The following NBAS variants were observed in gnomAD, a reference collection of about 807,000 sequenced individuals.
NBAS encodes the protein NAG/BC035112 fusion.
A neutral mutation model predicts 302.5 loss-of-function variants in NBAS; 219 were observed. The ratio of observed to expected loss-of-function variants is 0.72; its 90% CI spans 0.65 to 0.81. NBAS has a LOEUF of 0.81. Among genes scored for constraint, NBAS ranks in the 30% least tolerant of loss-of-function variants. The pLI, the probability that NBAS is intolerant of heterozygous loss-of-function variation, is 0.00. For missense variants in NBAS, 2,932 were observed against 2,841.6 expected (o/e 1.03, Z -0.72); for synonymous variants, 1,118 against 1,021.6 (o/e 1.09, Z -1.80).
chr2:15,554,289 AC>A, intron 3 of NBAS, 151 bp from the exon 4 acceptor site: 1 of 711,436 alleles, frequency 1.4e-6, no homozygotes, highest in Non-Finnish European at 2.5e-6. Context: ...ACCCAAAGTT[AC>A]TATTTGGTAG....
chr2:15,316,900 T>C (rs7588493), intron 38 of NBAS, among the ~76,000 whole-genome samples: 6,794 of 152,282 alleles, frequency 0.045, 243 homozygotes, highest in African/African-American at 0.098. Context: ...GTTTGAGCTC[T>C]GAGAAAGGAC....
chr2:15,001,290 T>C, the NBAS span, among the ~76,000 whole-genome samples: 2 of 152,296 alleles, frequency 1.3e-5, no homozygotes, highest in South Asian at 4.1e-4. Context: ...ATGTATGTTA[T>C]ATACATGTAT....
intron 40 of NBAS, 72 bp from the exon 41 acceptor site, chr2:15,292,838 A>G: frequency 7.1e-7 from 1 of 1,401,732 alleles, no homozygotes; most frequent in Non-Finnish European, 1.0e-6. Flanking sequence ...AACAAATGGA[A>G]GAAGACCATG....
At chr2:15,362,284 C>T (rs1673970136) in intron 32 of NBAS, among the ~76,000 whole-genome samples, 1 of 150,050 alleles carries the variant, frequency 6.7e-6, no homozygotes, top group African/African-American at 2.5e-5. Flanking sequence ...TCAATACCAA[C>T]CTGGAAAACA....
chr2:14,844,219 C>G, the NBAS span, among the ~76,000 whole-genome samples: 4 of 151,768 alleles, frequency 2.6e-5, no homozygotes, highest in Admixed American at 2.6e-4. Context: ...TCAGCCACAG[C>G]AGGAAAGGAC....
chr2:15,054,216 C>G, the NBAS span, among the ~76,000 whole-genome samples: 1 of 152,224 alleles, frequency 6.6e-6, no homozygotes, highest in African/African-American at 2.4e-5. Flanking sequence ...GGTATTACTA[C>G]CCATTTCATA....
intron 30 of NBAS, among the ~76,000 whole-genome samples, 174 bp from the exon 31 acceptor site, chr2:15,374,894 C>A (rs1160392383): frequency 6.6e-6 from 1 of 152,166 alleles, no homozygotes; most frequent in African/African-American, 2.4e-5. Flanking sequence ...GGTAGGCAAA[C>A]ATCATCATCT....
At chr2:15,261,802 C>T (rs1346045929) in intron 44 of NBAS, among the ~76,000 whole-genome samples, 1 of 152,180 alleles carries the variant, frequency 6.6e-6, no homozygotes, top group African/African-American at 2.4e-5. Context: ...CAGGCCTTAA[C>T]AAAATTTGAA....
At chr2:15,369,457 T>A (rs1306517021) in intron 31 of NBAS, among the ~76,000 whole-genome samples, 1 of 152,194 alleles carries the variant, frequency 6.6e-6, no homozygotes, top group Non-Finnish European at 1.5e-5. Flanking sequence ...TTAAATAAAT[T>A]TGGAGAGCAG....
chr2:14,939,399 G>T, the NBAS span, among the ~76,000 whole-genome samples: 1 of 152,196 alleles, frequency 6.6e-6, no homozygotes, highest in Non-Finnish European at 1.5e-5. Flanking sequence ...TTTAATTGTT[G>T]CCTACTTGCA....
chr2:15,522,934 A>C (rs914678943), intron 9 of NBAS, among the ~76,000 whole-genome samples: 3 of 152,232 alleles, frequency 2.0e-5, no homozygotes, highest in Non-Finnish European at 4.4e-5. Flanking sequence ...AAATCATAAG[A>C]CTAAATACAT....
the NBAS span, among the ~76,000 whole-genome samples, chr2:14,786,279 G>T: frequency 1.5e-4 from 23 of 151,956 alleles, no homozygotes; most frequent in Non-Finnish European, 2.5e-4. Flanking sequence ...CCAGCTCCTG[G>T]ATTCATTGAT....
chr2:15,302,843 G>A (rs1038429209), intron 40 of NBAS, among the ~76,000 whole-genome samples: 1 of 152,188 alleles, frequency 6.6e-6, no homozygotes, highest in Non-Finnish European at 1.5e-5. Flanking sequence ...GAATAAAGCA[G>A]GCAGAAGAAG....
chr2:15,134,685 T>A, the NBAS span, among the ~76,000 whole-genome samples: 2 of 152,186 alleles, frequency 1.3e-5, no homozygotes, highest in Admixed American at 1.3e-4. Flanking sequence ...AATTGAGGGG[T>A]GTTCACTCTT....
At chr2:15,161,097 G>C in the NBAS span, among the ~76,000 whole-genome samples, 1 of 152,168 alleles carries the variant, frequency 6.6e-6, no homozygotes, top group Non-Finnish European at 1.5e-5. Context: ...TTGAGCAAAA[G>C]TTGGGCTTTG....
At chr2:15,202,927 T>C (rs920788337) in intron 48 of NBAS, among the ~76,000 whole-genome samples, 3 of 152,218 alleles carry the variant, frequency 2.0e-5, no homozygotes, top group Non-Finnish European at 4.4e-5. Flanking sequence ...GAATAATTCA[T>C]ACAGCTGAAA....
At chr2:15,139,046 T>C in the NBAS span, among the ~76,000 whole-genome samples, 1 of 152,170 alleles carries the variant, frequency 6.6e-6, no homozygotes, top group Non-Finnish European at 1.5e-5. Flanking sequence ...GTAGGAAGGG[T>C]TCTGCTCCAG....
At chr2:15,359,359 C>G (rs1209397702) in intron 32 of NBAS, among the ~76,000 whole-genome samples, 2 of 152,108 alleles carry the variant, frequency 1.3e-5, no homozygotes, top group Non-Finnish European at 2.9e-5. Flanking sequence ...TTTGCCAGGT[C>G]TTTTAAAAGT....
At chr2:15,372,817 A>G (rs1463113393) in intron 31 of NBAS, among the ~76,000 whole-genome samples, 1 of 152,222 alleles carries the variant, frequency 6.6e-6, no homozygotes, top group Non-Finnish European at 1.5e-5. Context: ...ACATATTACC[A>G]GCAAAAAATC....
Sources: allele counts gnomAD v4.1 joint callset (sites outside exome capture counted in the v4.1 genomes callset), GRCh38; gene constraint gnomAD v4.1.1; transcripts MANE v1.5; gene names NCBI Gene and HGNC (gene_info 2026-07-23, HGNC 2026-07-21).